Variants in CACNG4 observed in about 807,000 individuals in gnomAD.
CACNG4 encodes calcium voltage-gated channel auxiliary subunit gamma 4, also known as voltage-dependent calcium channel gamma-4 subunit.
Under a neutral mutation model 22.9 loss-of-function variants are expected in CACNG4, and 8 were observed. The ratio of observed to expected loss-of-function variants is 0.35; its 90% confidence interval spans 0.21 to 0.63. The LOEUF is 0.63. Among genes scored for constraint, CACNG4 ranks in the 30% least tolerant of loss-of-function variants. The probability of loss-of-function intolerance (pLI) is 0.72; values close to 1 mark genes in which losing one functional copy is unlikely to be tolerated. For missense variants in CACNG4, 357 were observed against 455.4 expected, an observed-to-expected ratio of 0.78 and a Z score of 1.97; for synonymous variants, 188 against 191.9, an observed-to-expected ratio of 0.98 and a Z score of 0.17.
intron 1 of CACNG4, among the ~76,000 whole-genome samples, chr17:67,017,088 T>G (rs76271888): frequency 0.013 from 1,989 of 152,094 alleles, 27 homozygotes; most frequent in Middle Eastern, 0.034. Flanking sequence ...GTTTTTTGAG[T>G]TTTTTTGAGA....
chr17:67,021,039 AAATAAAAAT>A (rs966824704), intron 2 of CACNG4, among the ~76,000 whole-genome samples: 4 of 152,188 alleles, frequency 2.6e-5, no homozygotes, highest in Non-Finnish European at 4.4e-5. Flanking sequence ...TCTTTACAAA[AAATAAAAAT>A]AAATTAGCCA....
At chr17:67,023,868 C>T (rs536774789) in intron 2 of CACNG4, among the ~76,000 whole-genome samples, 5 of 152,350 alleles carry the variant, frequency 3.3e-5, no homozygotes, top group Non-Finnish European at 1.5e-5. Flanking sequence ...TGAGCCACTG[C>T]GCCTGGCCAA....
intron 1 of CACNG4, among the ~76,000 whole-genome samples, chr17:66,990,396 C>T (rs763448115): frequency 1.5e-4 from 23 of 152,178 alleles, no homozygotes; most frequent in Non-Finnish European, 2.6e-4. Flanking sequence ...TCTTATATTA[C>T]GTAATTGAAT....
chr17:66,986,016 C>A (rs1048129052), intron 1 of CACNG4, among the ~76,000 whole-genome samples: 2 of 152,198 alleles, frequency 1.3e-5, no homozygotes, highest in African/African-American at 2.4e-5. Context: ...AAACATCATG[C>A]CTGCTCCGGG....
At position 67,027,416 on chromosome 17, in the gene CACNG4, C is replaced by T. The variant is rs1325410582; in HGVS notation, c.445+2416C>T. Among the ~76,000 whole-genome samples, 3 of 152,168 alleles carry T rather than the reference C, an allele frequency of 2.0e-5. No individual in the cohort carries two copies. The highest frequency in any genetic ancestry group is 4.4e-5 in the Non-Finnish European group (3 of 68,024). On this transcript the variant is annotated intron_variant, in intron 3 of 3. Transcript: ENST00000262138. The surrounding 1 kb of genome is among the most constrained non-coding windows in gnomAD (Gnocchi z 4.3). ...GCCAGCAAGGGGACATTGGCTTATT[C>T]CCTGGCGCATGGGGCACTGATGGGG...
chr17:66,993,764 C>G (rs2035356226), intron 1 of CACNG4, among the ~76,000 whole-genome samples: 1 of 152,164 alleles, frequency 6.6e-6, no homozygotes. Context: ...CGCCACCATG[C>G]CCGGCTAACT....
chr17:67,021,888 C>T (rs2035534152), intron 2 of CACNG4: 3 of 152,254 alleles, frequency 2.0e-5, no homozygotes, highest in Admixed American at 2.0e-4. Flanking sequence ...ACTCATCCCT[C>T]CACCCCTTAG....
chr17:66,997,179 G>A (rs2143318638), intron 1 of CACNG4, among the ~76,000 whole-genome samples: 1 of 152,318 alleles, frequency 6.6e-6, no homozygotes, highest in South Asian at 2.1e-4. Context: ...AGCAGCAACA[G>A]GGATACCAGT....
In CACNG4 at chr17:67,013,931, G is replaced by A. The variant is rs80136779; in HGVS notation, c.221-4258G>A. Among the ~76,000 whole-genome samples, 45 of 152,292 alleles carry A rather than the reference G, an allele frequency of 3.0e-4. No homozygotes were observed. The East Asian group carries it at 6.2e-3, about 21-fold the overall frequency. Reference sequence around the variant, plus strand: ...GCATGCACACCTGTGCACACACCCCGTGCCTGTTATTTACAAAATAGTCAT... The same window carrying A: ...GCATGCACACCTGTGCACACACCCCATGCCTGTTATTTACAAAATAGTCAT... On this transcript the variant is annotated intron_variant, in intron 1 of 3. Coordinates refer to ENST00000262138, the MANE Select transcript of CACNG4 (RefSeq NM_014405.4).
At chr17:67,017,085 G>T (rs181903400) in intron 1 of CACNG4, among the ~76,000 whole-genome samples, 12 of 152,184 alleles carry the variant, frequency 7.9e-5, no homozygotes, top group Non-Finnish European at 1.3e-4. Flanking sequence ...GTGGTTTTTT[G>T]AGTTTTTTTG....
chr17:66,981,320 T>C (rs188179008), intron 1 of CACNG4, among the ~76,000 whole-genome samples: 56 of 152,360 alleles, frequency 3.7e-4, no homozygotes, highest in South Asian at 1.0e-3. Flanking sequence ...CTACCTTCAG[T>C]AGTAATGTCT....
chr17:66,998,916 A>G (rs1284956795), intron 1 of CACNG4, among the ~76,000 whole-genome samples: 1 of 152,196 alleles, frequency 6.6e-6, no homozygotes, highest in African/African-American at 2.4e-5. Flanking sequence ...CGGGAGCTCA[A>G]AGAACATCCC....
Position 67,018,089 on chromosome 17 carries a change from C to A in CACNG4, c.221-100C>A, listed in dbSNP as rs545416765. ...CTTTCTTCTCTGTCTGTCCCCAGGA[C>A]CTGCACAGAGGCTCACACACATGGC... On this transcript the variant is annotated intron_variant, in intron 1 of 3. Transcript: ENST00000262138. 112 of 873,226 alleles carry A rather than the reference C, an allele frequency of 1.3e-4. No individual in the cohort carries two copies. In the African/African-American group the frequency reaches 1.7e-3, roughly 13 times the overall value. The allele number at this position is 873,226 out of a possible 1,614,324, so 54.1% of individuals were successfully genotyped here.
chr17:67,022,956 T>C (rs1007498076), intron 2 of CACNG4, among the ~76,000 whole-genome samples: 3 of 152,202 alleles, frequency 2.0e-5, no homozygotes, highest in African/African-American at 7.2e-5. Context: ...TGATCAAAAC[T>C]GCGTGACCTG....
intron 1 of CACNG4, among the ~76,000 whole-genome samples, chr17:66,966,021 C>A (rs1168035001): frequency 6.6e-6 from 1 of 152,182 alleles, no homozygotes; most frequent in African/African-American, 2.4e-5. Flanking sequence ...CGGAGCTGGG[C>A]GCTGCGACCC....
At chr17:66,979,295 G>A (rs576639088) in intron 1 of CACNG4, among the ~76,000 whole-genome samples, 6 of 152,064 alleles carry the variant, frequency 3.9e-5, no homozygotes, top group South Asian at 2.1e-4. Context: ...TGTAAACCAC[G>A]CAAGCCCTCT....
chr17:66,986,230 C>T (rs770869233), intron 1 of CACNG4, among the ~76,000 whole-genome samples: 7 of 152,226 alleles, frequency 4.6e-5, no homozygotes, highest in African/African-American at 7.2e-5. Flanking sequence ...ATCATACCTG[C>T]TTAGGAGCCT....
chr17:66,965,181 CACACATAT>C (rs768374984), intron 1 of CACNG4, 50 bp downstream of exon 1: 25 of 1,059,518 alleles, frequency 2.4e-5, no homozygotes, highest in Middle Eastern at 2.9e-4. Flanking sequence ...CACACACACA[CACACATAT>C]ACACACGCGC....
At position 67,030,564 on chromosome 17, in the gene CACNG4, G is replaced by A. The variant is rs2035597070; in HGVS notation, c.544G>A (p.Gly182Ser). ...DEDKKNHYNY[G>S]WSFYFGALSF... is the part of the protein sequence containing the mutation. ...AGACAAAAAGAACCATTACAACTACGGCTGGTCTTTTTACTTTGGAGCTCT... is the reference window on the plus strand; with the variant it reads ...AGACAAAAAGAACCATTACAACTACAGCTGGTCTTTTTACTTTGGAGCTCT... Residue 182 changes from glycine to serine, a missense_variant, in exon 4 of 4, where the codon GGC (glycine) becomes AGC (serine). Around this residue, in one of 3 missense-constraint regions of CACNG4, gnomAD observed 240 missense variants for 277.6 expected, o/e 0.86. Coordinates refer to ENST00000262138, the MANE Select transcript of CACNG4 (RefSeq NM_014405.4). The surrounding 1 kb of genome is among the most constrained non-coding windows in gnomAD (Gnocchi z 6.4). The A allele has an allele frequency of 6.2e-7, 1 of 1,614,190 alleles. No individual in the cohort carries two copies. The highest frequency in any genetic ancestry group is 8.5e-7 in the Non-Finnish European group (1 of 1,180,032).
Sources: allele counts gnomAD v4.1 joint callset (sites outside exome capture counted in the v4.1 genomes callset), GRCh38; gene constraint gnomAD v4.1.1; regional missense constraint gnomAD v4.1.1; non-coding constraint Gnocchi (gnomAD v3.1); transcripts MANE v1.5; gene names NCBI Gene and HGNC (gene_info 2026-07-23, HGNC 2026-07-21).